The following NELL2 variants were observed in gnomAD, a reference collection of about 807,000 sequenced individuals.
NELL2 encodes the protein neural EGFL like 2.
A neutral mutation model predicts 109.6 loss-of-function variants in NELL2; 41 were observed. The ratio of observed to expected loss-of-function variants is 0.37; its 90% CI spans 0.29 to 0.49. The LOEUF is 0.49. Among genes scored for constraint, NELL2 ranks in the 20% least tolerant of loss-of-function variants. The pLI is 0.98. For missense variants in NELL2, 900 were observed against 1,008.3 expected (o/e 0.89, Z 1.45); for synonymous variants, 355 against 344.7 (o/e 1.03, Z -0.33).
chr12:44,774,803 C>A lies in NELL2; in HGVS notation c.938G>T (p.Cys313Phe), dbSNP rs765538023. 1 of 1,614,130 alleles carries A rather than the reference C, an allele frequency of 6.2e-7. No homozygotes were observed. The highest frequency in any genetic ancestry group is 8.5e-7 in the Non-Finnish European group (1 of 1,180,000). ...ATACGCAAGAGCCGACTTAAGTGGG[C>A]AGTCAGGATTTGGGCAGATTAGAGT... ...CETLICPNPD[C>F]PLKSALAYVD... is the part of the protein sequence containing the mutation. Residue 313 changes from cysteine to phenylalanine, a missense_variant, in exon 9 of 20, where the codon TGC becomes TTC. This residue lies in a region of NELL2 where 292 missense variants were observed against 265.3 expected (regional missense o/e 1.10). Transcript: ENST00000429094.
chr12:44,633,057 A>AAC, intron 13 of NELL2, among the ~76,000 whole-genome samples: 2 of 152,100 alleles, frequency 1.3e-5, no homozygotes, highest in Non-Finnish European at 2.9e-5. Context: ...AGTCAAAGAA[A>AAC]ACACACACAC....
intron 2 of NELL2, among the ~76,000 whole-genome samples, chr12:44,848,447 C>G (rs1054707543): frequency 6.6e-6 from 1 of 152,086 alleles, no homozygotes; most frequent in Non-Finnish European, 1.5e-5. Flanking sequence ...TAGACTTGAG[C>G]TACAAGTGCC....
chr12:44,628,755 C>T (rs4768068), intron 13 of NELL2, among the ~76,000 whole-genome samples: 19,715 of 152,140 alleles, frequency 0.13, 1,621 homozygotes, highest in African/African-American at 0.23. Flanking sequence ...CCCCACCCGC[C>T]AGATGGTAGA....
intron 15 of NELL2, among the ~76,000 whole-genome samples, chr12:44,559,612 G>C (rs944395823): frequency 6.6e-6 from 1 of 152,130 alleles, no homozygotes; most frequent in Non-Finnish European, 1.5e-5. Flanking sequence ...AGGGATGAAT[G>C]CAACAAGAAG....
At chr12:44,773,280 C>G (rs530546800) in intron 9 of NELL2, among the ~76,000 whole-genome samples, 79 of 152,214 alleles carry the variant, frequency 5.2e-4, no homozygotes, top group South Asian at 2.1e-3. Context: ...TCGAGACCAT[C>G]CTGGCTAACA....
chr12:44,900,804 C>T (rs1266765305), intron 1 of NELL2, among the ~76,000 whole-genome samples: 2 of 152,098 alleles, frequency 1.3e-5, no homozygotes, highest in African/African-American at 4.8e-5. Context: ...TCCTGGCCAA[C>T]ATGGTGAAAC....
chr12:44,711,475 G>T, intron 10 of NELL2, 81 bp from the exon 11 acceptor site: 3 of 1,234,916 alleles, frequency 2.4e-6, no homozygotes, highest in Non-Finnish European at 3.5e-6. Flanking sequence ...CATCTGAGAA[G>T]ACTCTTTTAA....
intron 1 of NELL2, among the ~76,000 whole-genome samples, chr12:44,909,752 C>CACACACACAA (rs1379786631): frequency 1.3e-5 from 2 of 151,150 alleles, no homozygotes; most frequent in African/African-American, 4.9e-5. Flanking sequence ...GACACACACA[C>CACACACACAA]ACACACACAC....
intron 15 of NELL2, among the ~76,000 whole-genome samples, chr12:44,542,298 T>TA (rs893841681): frequency 2.6e-5 from 4 of 151,638 alleles, no homozygotes; most frequent in African/African-American, 9.7e-5. Flanking sequence ...AGTCTTTTTT[T>TA]TTTTTTTGCA....
rs757446479 is a variant in NELL2, at chr12:44,522,143, C to T, written c.2032G>A (p.Asp678Asn). ...AGATCAACTGTGGGATTCTCACAGT[C>T]ACAGACCATCCGTCGACACATAACG... ...GFVMCRRMVC[D>N]CENPTVDLFC... is the part of the protein sequence containing the mutation. The change falls in exon 18 of 20, where the codon GAC (aspartate) becomes AAC (asparagine). Residue 678 changes from aspartate (D) to asparagine (N), a missense_variant. Asp to Asn is a conservative substitution (Grantham distance 23). Coordinates refer to ENST00000429094, the MANE Select transcript of NELL2 (RefSeq NM_001145108.2). The T allele has an allele frequency of 8.1e-6, 13 of 1,614,074 alleles. No homozygotes were observed. In the East Asian group the frequency reaches 2.5e-4, roughly 30 times the overall value.
intron 9 of NELL2, among the ~76,000 whole-genome samples, chr12:44,724,826 A>G (rs1237469545): frequency 6.6e-6 from 1 of 151,818 alleles, no homozygotes; most frequent in Admixed American, 6.6e-5. Context: ...GGAAAAAAAA[A>G]AAAAAAAGGC....
chr12:44,650,553 C>T (rs1947265157), intron 13 of NELL2, among the ~76,000 whole-genome samples: 1 of 152,090 alleles, frequency 6.6e-6, no homozygotes, highest in South Asian at 2.1e-4. Flanking sequence ...CCTCGGCTTC[C>T]CAAAGTGCTG....
chr12:44,691,805 A>G (rs1046511198), intron 12 of NELL2, among the ~76,000 whole-genome samples: 16 of 152,318 alleles, frequency 1.1e-4, no homozygotes, highest in African/African-American at 3.1e-4. Context: ...AATCAAGAGC[A>G]AGGCCTGAAC....
intron 18 of NELL2, among the ~76,000 whole-genome samples, chr12:44,520,650 C>T (rs1449512531): frequency 1.3e-5 from 2 of 151,284 alleles, no homozygotes; most frequent in Admixed American, 6.6e-5. Flanking sequence ...ATGTTTTGTC[C>T]ATTTACAAGA....
chr12:44,591,320 G>A (rs1167645178), intron 15 of NELL2, among the ~76,000 whole-genome samples: 1 of 152,116 alleles, frequency 6.6e-6, no homozygotes, highest in African/African-American at 2.4e-5. Context: ...AGAGATATCT[G>A]CACCCCCATG....
chr12:44,550,428 G>C (rs199638818), intron 15 of NELL2, among the ~76,000 whole-genome samples: 1 of 118,420 alleles, frequency 8.4e-6, no homozygotes, highest in Non-Finnish European at 1.9e-5. Context: ...TTTTTTTTTT[G>C]TATTTTTCAG....
At chr12:44,752,137 C>T (rs10880666) in intron 9 of NELL2, among the ~76,000 whole-genome samples, 62,437 of 152,110 alleles carry the variant, frequency 0.41, 13,469 homozygotes, top group Non-Finnish European at 0.48. Flanking sequence ...TTCTACTTTA[C>T]ACACATTTCT....
upstream of NELL2, chr12:44,876,765 C>T: frequency 6.8e-7 from 1 of 1,462,836 alleles, no homozygotes. Context: ...CCCCGGGGTG[C>T]AGGGCACTCC....
chr12:44,694,721 T>A (rs1052505072), intron 12 of NELL2, among the ~76,000 whole-genome samples: 2 of 152,068 alleles, frequency 1.3e-5, no homozygotes, highest in African/African-American at 4.8e-5. Flanking sequence ...CCCATAGAGC[T>A]CAGTTCTCTA....
Sources: gnomAD v4.1 joint callset for allele counts (sites outside exome capture counted in the v4.1 genomes callset) on GRCh38, gnomAD v4.1.1 for gene constraint, gnomAD v4.1.1 regional missense constraint, MANE v1.5 for transcripts, NCBI Gene and HGNC (gene_info 2026-07-23, HGNC 2026-07-21) for gene names.